Variants in STK39 observed in about 807,000 individuals in gnomAD.
STK39 encodes serine/threonine kinase 39, also known as STE20/SPS1-related proline-alanine-rich protein kinase.
STK39 carries 20 observed loss-of-function variants against 77.8 expected under a neutral mutation model. The ratio of observed to expected loss-of-function variants is 0.26; its 90% confidence interval spans 0.18 to 0.37. STK39 has a LOEUF of 0.37. STK39 is among the 10% of genes least tolerant of loss of function. The probability of loss-of-function intolerance (pLI) is 1.00; values close to 1 mark genes in which losing one functional copy is unlikely to be tolerated. For missense variants in STK39, 479 were observed against 656.5 expected (o/e 0.73, Z 2.95); for synonymous variants, 246 against 234.1 (o/e 1.05, Z -0.47).
At chr2:168,145,911 G>A (rs1453255825) in intron 5 of STK39, among the ~76,000 whole-genome samples, 1 of 152,184 alleles carries the variant, frequency 6.6e-6, no homozygotes, top group African/African-American at 2.4e-5. Flanking sequence ...GTGACCTGTT[G>A]AGAGGTATGA....
At chr2:168,174,008 A>G (rs1688893898) in intron 2 of STK39, among the ~76,000 whole-genome samples, 1 of 152,236 alleles carries the variant, frequency 6.6e-6, no homozygotes, top group African/African-American at 2.4e-5. Context: ...TTGCCACTTA[A>G]CTTTACAATT....
At chr2:168,199,995 A>G (rs1689573651) in intron 1 of STK39, among the ~76,000 whole-genome samples, 1 of 152,108 alleles carries the variant, frequency 6.6e-6, no homozygotes, top group Non-Finnish European at 1.5e-5. Context: ...AGTATCTGGA[A>G]CTCATATTTG....
chr2:167,956,684 A>ACACACACACACACACC (rs1691778861), intron 17 of STK39, among the ~76,000 whole-genome samples: 1 of 43,854 alleles, frequency 2.3e-5, no homozygotes, highest in South Asian at 6.5e-4. Context: ...ACACACACAC[A>ACACACACACACACACC]CACACACACA....
At chr2:168,204,248 C>A (rs1689684888) in intron 1 of STK39, among the ~76,000 whole-genome samples, 1 of 152,136 alleles carries the variant, frequency 6.6e-6, no homozygotes, top group Non-Finnish European at 1.5e-5. Context: ...CTTGCCGCAC[C>A]CCGTGGGACA....
chr2:168,145,503 C>T (rs1681754023), intron 5 of STK39, among the ~76,000 whole-genome samples: 1 of 152,028 alleles, frequency 6.6e-6, no homozygotes, highest in Non-Finnish European at 1.5e-5. Context: ...GCTGGATATC[C>T]CAGTTTTCCC....
At chr2:168,131,466 C>T (rs1055039237) in intron 8 of STK39, among the ~76,000 whole-genome samples, 1 of 152,134 alleles carries the variant, frequency 6.6e-6, no homozygotes, top group Admixed American at 6.5e-5. Context: ...GGAAGCTCCA[C>T]TAAAATATTC....
At chr2:168,076,662 T>C (rs1686085919) in intron 10 of STK39, among the ~76,000 whole-genome samples, 1 of 152,160 alleles carries the variant, frequency 6.6e-6, no homozygotes, top group Non-Finnish European at 1.5e-5. Context: ...TTTTCATAAT[T>C]GCAAATAGTT....
intron 2 of STK39, among the ~76,000 whole-genome samples, chr2:168,179,940 C>T (rs1444896039): frequency 1.3e-5 from 2 of 152,196 alleles, no homozygotes; most frequent in African/African-American, 4.8e-5. Flanking sequence ...AACCAGAAGG[C>T]AGGCTCCAGA....
Position 168,001,442 on chromosome 2 carries a change from C to T in STK39, c.1498+11192G>A, listed in dbSNP as rs116804343. On this transcript the variant is annotated intron_variant, in intron 16 of 17. Coordinates refer to ENST00000355999, the MANE Select transcript of STK39 (RefSeq NM_013233.3). ...TGGGGTACATGTATTTTTACACAAC[C>T]TTTTGGATGCTAAACTTAAGTAGTG... Among the ~76,000 whole-genome samples, 1,391 of 151,924 alleles carry T rather than the reference C, an allele frequency of 9.2e-3. 27 individuals are homozygous for T. The highest frequency in any genetic ancestry group is 0.032 in the African/African-American group (1,317 of 41,432).
intron 10 of STK39, among the ~76,000 whole-genome samples, chr2:168,093,694 C>A (rs1023996485): frequency 7.2e-5 from 11 of 152,282 alleles, no homozygotes; most frequent in African/African-American, 2.6e-4. Context: ...TGCCAACTAC[C>A]AGTCCACCAA....
intron 14 of STK39, among the ~76,000 whole-genome samples, chr2:168,022,214 A>T (rs992875668): frequency 2.0e-5 from 3 of 152,222 alleles, no homozygotes; most frequent in African/African-American, 7.2e-5. Context: ...GTGCTTCAAT[A>T]AGTAACCTTA....
chr2:168,185,859 T>C (rs576592722), intron 1 of STK39, among the ~76,000 whole-genome samples: 1 of 152,186 alleles, frequency 6.6e-6, no homozygotes, highest in African/African-American at 2.4e-5. Flanking sequence ...CCCTGCCATG[T>C]AGCAGGCAGT....
rs77992959 is a variant in STK39, at chr2:168,027,709, A to T, written c.1377-10614T>A. ...TATTTTAAAGAATTTGGCCTCACACACTGGTTAACTGCAGGTTCTTCTGCA... is the reference window on the plus strand; with the variant it reads ...TATTTTAAAGAATTTGGCCTCACACTCTGGTTAACTGCAGGTTCTTCTGCA... On this transcript the variant is annotated intron_variant, in intron 14 of 17. Transcript: ENST00000355999. Among the ~76,000 whole-genome samples, 564 of 152,284 alleles carry T rather than the reference A, an allele frequency of 3.7e-3. 3 individuals are homozygous for T. The highest frequency in any genetic ancestry group is 0.013 in the African/African-American group (533 of 41,574).
intron 3 of STK39, among the ~76,000 whole-genome samples, chr2:168,164,927 A>C (rs984201823): frequency 6.6e-6 from 1 of 152,182 alleles, no homozygotes; most frequent in African/African-American, 2.4e-5. Context: ...GGCTTACCTC[A>C]GGACCTGAAT....
chr2:167,987,006 A>G (rs535814730), intron 16 of STK39, among the ~76,000 whole-genome samples: 62 of 152,356 alleles, frequency 4.1e-4, no homozygotes, highest in African/African-American at 1.3e-3. Flanking sequence ...TGTGGGCTGT[A>G]TGTGTAGTCT....
intron 8 of STK39, among the ~76,000 whole-genome samples, chr2:168,137,036 G>A (rs1415719261): frequency 6.6e-6 from 1 of 152,202 alleles, no homozygotes; most frequent in Non-Finnish European, 1.5e-5. Context: ...GGAATGAAGT[G>A]AGCAGCTACA....
At chr2:168,009,143 T>G (rs1405082315) in intron 16 of STK39, among the ~76,000 whole-genome samples, 1 of 152,172 alleles carries the variant, frequency 6.6e-6, no homozygotes, top group Non-Finnish European at 1.5e-5. Flanking sequence ...TTGATAAGTT[T>G]AGCTGTTAAG....
chr2:168,027,771 G>C (rs532627555), intron 14 of STK39, among the ~76,000 whole-genome samples: 2 of 152,112 alleles, frequency 1.3e-5, no homozygotes, highest in African/African-American at 4.8e-5. Context: ...GACAGTTCCC[G>C]CTGGCTACCT....
At chr2:168,096,614 T>C (rs1456337919) in intron 10 of STK39, among the ~76,000 whole-genome samples, 1 of 152,216 alleles carries the variant, frequency 6.6e-6, no homozygotes, top group African/African-American at 2.4e-5. Context: ...GAACCTGCTG[T>C]GGACCTACCT....
Sources: gnomAD v4.1 joint callset for allele counts (sites outside exome capture counted in the v4.1 genomes callset) on GRCh38, gnomAD v4.1.1 for gene constraint, MANE v1.5 for transcripts, NCBI Gene and HGNC (gene_info 2026-07-23, HGNC 2026-07-21) for gene names.